Variants in ITGAE observed in about 807,000 individuals in gnomAD.
The protein encoded by ITGAE is integrin alpha-E.
A neutral mutation model predicts 136.5 loss-of-function variants in ITGAE; 99 were observed. The observed-to-expected ratio is 0.73, with a 90% CI of 0.62 to 0.86. ITGAE has a LOEUF of 0.86. Among genes scored for constraint, ITGAE ranks in the 40% least tolerant of loss-of-function variants. ITGAE has a pLI of 0.00. For missense variants in ITGAE, 1,447 were observed against 1,515.3 expected (o/e 0.95, Z 0.75); for synonymous variants, 613 against 591.8 (o/e 1.04, Z -0.52).
intron 26 of ITGAE, chr17:3,725,540 GATC>G (rs775508010): frequency 2.5e-6 from 4 of 1,614,238 alleles, no homozygotes; most frequent in South Asian, 1.1e-5. Context: ...TCCTGCCAGA[GATC>G]ATCATCTCCA....
intron 1 of ITGAE, among the ~76,000 whole-genome samples, chr17:3,783,203 C>T (rs572972592): frequency 9.2e-5 from 14 of 152,300 alleles, no homozygotes; most frequent in African/African-American, 2.6e-4. Context: ...TGCGGTGGCG[C>T]GATCTTGGCT....
At position 3,760,282 on chromosome 17, in the gene ITGAE, C is replaced by A. The variant is rs755450329; in HGVS notation, c.604G>T (p.Glu202Ter). 6.2e-7 allele frequency: 1 copy of A among 1,608,736 alleles called. No individual in the cohort carries two copies. The highest frequency in any genetic ancestry group is 8.5e-7 in the Non-Finnish European group (1 of 1,175,568). Residue 202 changes from glutamate to a stop codon, truncating the protein, a stop_gained, in exon 7 of 31, where the codon GAG becomes TAG. Transcript: ENST00000263087. LOFTEE classifies it high-confidence loss of function. Reference sequence around the variant, plus strand: ...GAGCCATCCAGGATGATGGCAATCTCGGTGCCTGGCCAAGACAAACAGGTC... The same window carrying A: ...GAGCCATCCAGGATGATGGCAATCTAGGTGCCTGGCCAAGACAAACAGGTC... ...EDEEEEEAGT[E>*]IAIILDGSGS...
chr17:3,737,013 C>G (rs12946675), intron 20 of ITGAE, among the ~76,000 whole-genome samples: 91,871 of 151,818 alleles, frequency 0.61, 28,357 homozygotes, highest in African/African-American at 0.71. Flanking sequence ...GTAGTGGATG[C>G]CTGGACACGG....
chr17:3,775,722 G>A (rs750424880), intron 2 of ITGAE, among the ~76,000 whole-genome samples: 11 of 151,856 alleles, frequency 7.2e-5, no homozygotes, highest in East Asian at 1.9e-4. Flanking sequence ...CACCGGCCTC[G>A]GCCTCCCAAA....
intron 26 of ITGAE, among the ~76,000 whole-genome samples, chr17:3,727,553 C>T (rs930594485): frequency 5.9e-5 from 9 of 152,066 alleles, no homozygotes; most frequent in Admixed American, 2.0e-4. Context: ...GCGCCCGCCA[C>T]CACGCCCGGA....
intron 3 of ITGAE, among the ~76,000 whole-genome samples, chr17:3,762,384 T>G (rs1325311837): frequency 6.6e-6 from 1 of 152,068 alleles, no homozygotes; most frequent in Non-Finnish European, 1.5e-5. Context: ...GGACTGGCTG[T>G]GTGGACCAAG....
intron 29 of ITGAE, among the ~76,000 whole-genome samples, chr17:3,719,219 C>G (rs2436089): frequency 0.12 from 13,690 of 114,790 alleles, 2,846 homozygotes; most frequent in African/African-American, 0.45. Context: ...CTGGGCGACA[C>G]AGTGAGATTC....
intron 29 of ITGAE, among the ~76,000 whole-genome samples, chr17:3,719,973 GTC>G (rs1157501762): frequency 6.6e-6 from 1 of 152,104 alleles, no homozygotes; most frequent in African/African-American, 2.4e-5. Context: ...TGATCCACCT[GTC>G]TCGGCCTCCC....
At chr17:3,769,237 G>A (rs1234086067) in intron 2 of ITGAE, among the ~76,000 whole-genome samples, 1 of 152,170 alleles carries the variant, frequency 6.6e-6, no homozygotes, top group Non-Finnish European at 1.5e-5. Flanking sequence ...TCCTGCTGCA[G>A]AGCAATCATC....
chr17:3,783,992 G>A (rs1013173582), intron 1 of ITGAE, among the ~76,000 whole-genome samples: 2 of 152,216 alleles, frequency 1.3e-5, no homozygotes, highest in Admixed American at 1.3e-4. Flanking sequence ...GGGGCGCGGC[G>A]GCTCACGCCT....
intron 2 of ITGAE, among the ~76,000 whole-genome samples, chr17:3,768,301 G>A (rs2052346172): frequency 6.6e-6 from 1 of 152,038 alleles, no homozygotes; most frequent in Admixed American, 6.6e-5. Context: ...ATTTTCTTAT[G>A]TTTTGTAGAG....
rs954914925 is a variant in ITGAE, at chr17:3,748,107, G to A, written c.2025-55C>T. 5 of 1,565,738 alleles carry A rather than the reference G, an allele frequency of 3.2e-6. No homozygotes were observed. The African/African-American group carries it at 5.4e-5, about 17-fold the overall frequency. On this transcript the variant is annotated intron_variant, in intron 16 of 30. Coordinates refer to ENST00000263087, the MANE Select transcript of ITGAE (RefSeq NM_002208.5). Reference sequence around the variant, plus strand: ...AGTGACTGCTCAGCCTCTGGGTCAGGGCCTGGCTGATTGGTTCATGCATTC... The same window carrying A: ...AGTGACTGCTCAGCCTCTGGGTCAGAGCCTGGCTGATTGGTTCATGCATTC...
chr17:3,771,837 G>A (rs1488938762), intron 2 of ITGAE, among the ~76,000 whole-genome samples: 1 of 152,090 alleles, frequency 6.6e-6, no homozygotes, highest in Non-Finnish European at 1.5e-5. Context: ...GCGCCCAGCC[G>A]GGTGTGCATT....
intron 2 of ITGAE, among the ~76,000 whole-genome samples, chr17:3,764,948 G>T (rs926720287): frequency 5.3e-5 from 8 of 152,172 alleles, no homozygotes; most frequent in Non-Finnish European, 1.2e-4. Context: ...AGGGGACGAG[G>T]GGCTTGGTGG....
intron 8 of ITGAE, among the ~76,000 whole-genome samples, chr17:3,759,149 C>A (rs1489128325): frequency 7.5e-6 from 1 of 134,186 alleles, no homozygotes; most frequent in Non-Finnish European, 1.7e-5. Flanking sequence ...AAAAAAAAAA[C>A]CAGAGCTGAG....
chr17:3,779,127 A>T (rs1409996454), intron 1 of ITGAE, among the ~76,000 whole-genome samples: 2 of 152,126 alleles, frequency 1.3e-5, no homozygotes, highest in Non-Finnish European at 2.9e-5. Flanking sequence ...GAATGATGAA[A>T]ATATTCTATA....
Position 3,777,549 on chromosome 17 carries a change from T to C in ITGAE, c.146A>G (p.Asn49Ser), listed in dbSNP as rs748323785. Residue 49 changes from asparagine to serine, a missense_variant, in exon 2 of 31, where the codon AAC becomes AGC. By Grantham distance (46) the Asn-to-Ser change is conservative (BLOSUM62 1). This residue lies in a region of ITGAE where 106 missense variants were observed against 87.8 expected (regional missense o/e 1.21). Transcript: ENST00000263087. ...SSLLHQDPST[N>S]QTWLLVTSPR... ...CACCGGCCCTACTCACCAGGTCTGG[T>C]TGGTGCTGGGGTCTTGGTGCAGAAG... 1.9e-6 allele frequency: 3 copies of C among 1,612,472 alleles called. No homozygotes were observed. The East Asian group carries it at 6.7e-5, about 36-fold the overall frequency.
intron 30 of ITGAE, among the ~76,000 whole-genome samples, chr17:3,716,166 G>A (rs571604024): frequency 4.3e-5 from 5 of 115,044 alleles, no homozygotes; most frequent in East Asian, 2.2e-4. Context: ...GCGGAACTCC[G>A]TCTCAAAAAA....
intron 26 of ITGAE, chr17:3,725,553 A>C: frequency 6.2e-7 from 1 of 1,614,260 alleles, no homozygotes; most frequent in Non-Finnish European, 8.5e-7. Flanking sequence ...CATCATCTCC[A>C]AAGAGTTGAG....
Sources: allele counts gnomAD v4.1 joint callset (sites outside exome capture counted in the v4.1 genomes callset), GRCh38; gene constraint gnomAD v4.1.1; regional missense constraint gnomAD v4.1.1; transcripts MANE v1.5; gene names NCBI Gene and HGNC (gene_info 2026-07-23, HGNC 2026-07-21).